The following DNAJC2 variants were observed in gnomAD, a reference collection of about 807,000 sequenced individuals.
DNAJC2 encodes the protein dnaJ homolog subfamily C member 2.
Under a neutral mutation model 94.0 loss-of-function variants are expected in DNAJC2, and 32 were observed. That is an observed-to-expected ratio of 0.34 (90% CI 0.26 to 0.46). The LOEUF (loss-of-function observed/expected upper bound fraction) is 0.46. Ranked by LOEUF, DNAJC2 falls within the 20% of genes least tolerant of loss-of-function variation. DNAJC2 has a pLI of 1.00. For missense variants in DNAJC2, 550 were observed against 719.5 expected, an observed-to-expected ratio of 0.76 and a Z score of 2.69; for synonymous variants, 210 against 229.7, an observed-to-expected ratio of 0.91 and a Z score of 0.77.
At position 103,326,689 on chromosome 7, in the gene DNAJC2, G is replaced by GA; in HGVS notation, c.431-6dup. The stretch of plus-strand genomic sequence containing the variant: ...GATCAGATAACATTTCATAAGCTGA[G>GA]AAAAAAATTGTTAAGATCACATCAC... On this transcript the variant is annotated splice_region_variant and splice_polypyrimidine_tract_variant and intron_variant, in intron 4 of 16. Coordinates refer to ENST00000379263, the MANE Select transcript of DNAJC2 (RefSeq NM_014377.3). 1 of 1,593,722 alleles carries GA rather than the reference G, an allele frequency of 6.3e-7. No individual in the cohort carries two copies. Among genetic ancestry groups the GA allele is most frequent in the Non-Finnish European group, 8.5e-7 (1 of 1,173,898 alleles).
rs528924805 is a variant in DNAJC2 at position 103,341,315 on chromosome 7, T to C, written c.255+449A>G. Among the ~76,000 whole-genome samples the C allele has an allele frequency of 2.6e-5, 4 of 152,346 alleles. No homozygotes were observed. In the South Asian group the frequency reaches 8.3e-4, roughly 32 times the overall value. ...CCCAAAAATAAATTTTAATTCCTTC[T>C]TTAGCATGGTATAAAAAGGACACAA... On this transcript the variant is annotated intron_variant, in intron 2 of 16. Coordinates refer to ENST00000379263, the MANE Select transcript of DNAJC2 (RefSeq NM_014377.3).
chr7:103,316,028 G>A lies in DNAJC2; in HGVS notation c.1488C>T (p.Ala496=). Residue 496 remains alanine, a synonymous_variant, in exon 14 of 17, where the codon GCC becomes GCT. Coordinates refer to ENST00000379263, the MANE Select transcript of DNAJC2 (RefSeq NM_014377.3). The stretch of plus-strand genomic sequence containing the variant: ...TCTTTGCTTTGCCAATAACATCTTT[G>A]GCAGTTCTTTTGACTCCAGAGGAAG... The part of the protein sequence containing the change: ...IHSSSGVKRT[A]KDVIGKAKSL... 1 of 1,602,920 alleles carries A rather than the reference G, an allele frequency of 6.2e-7. No homozygotes were observed. The highest frequency in any genetic ancestry group is 8.5e-7 in the Non-Finnish European group (1 of 1,174,936).
At chr7:103,320,907 T>C (rs1818370282) in intron 10 of DNAJC2, 1 of 159,350 alleles carries the variant, frequency 6.3e-6, no homozygotes, top group African/African-American at 2.4e-5. Flanking sequence ...AAGAAATACA[T>C]TTATGCTTGG....
chr7:103,333,489 T>G (rs971089582), intron 3 of DNAJC2, among the ~76,000 whole-genome samples: 8 of 152,262 alleles, frequency 5.3e-5, no homozygotes, highest in Non-Finnish European at 1.2e-4. Context: ...TTTAATCATA[T>G]CTGTCTGATT....
At chr7:103,330,695 C>T (rs1818931059) in intron 3 of DNAJC2, among the ~76,000 whole-genome samples, 1 of 151,484 alleles carries the variant, frequency 6.6e-6, no homozygotes, top group Admixed American at 6.6e-5. Flanking sequence ...CGTGATCTGC[C>T]CACCTCAGCC....
At chr7:103,325,236 GA>G (rs959262024) in intron 5 of DNAJC2, among the ~76,000 whole-genome samples, 16 of 152,332 alleles carry the variant, frequency 1.1e-4, no homozygotes, top group African/African-American at 3.8e-4. Flanking sequence ...CTGAGGCCAG[GA>G]GTTTGAGACC....
At chr7:103,326,220 C>G (rs1453059483) in intron 5 of DNAJC2, among the ~76,000 whole-genome samples, 1 of 152,096 alleles carries the variant, frequency 6.6e-6, no homozygotes, top group Admixed American at 6.6e-5. Flanking sequence ...TCAGGTGATC[C>G]GTCCACCTCG....
chr7:103,322,064 T>C lies in DNAJC2; in HGVS notation c.951A>G (p.Leu317=), dbSNP rs202134632. The change falls in exon 10 of 17, where the codon TTA becomes TTG. Residue 317 remains leucine, a synonymous_variant. Coordinates refer to ENST00000379263, the MANE Select transcript of DNAJC2 (RefSeq NM_014377.3). Reference sequence around the variant, plus strand: ...TCTCCTTAGCTAACCGAGCAGCTTCTAATTCAGCTTGTCTTTGCTTTAAAA... The same window carrying C: ...TCTCCTTAGCTAACCGAGCAGCTTCCAATTCAGCTTGTCTTTGCTTTAAAA... ...EAKEKQRQAE[L]EAARLAKEKE... 6.2e-7 allele frequency: 1 copy of C among 1,610,452 alleles called. No individual in the cohort carries two copies. Among genetic ancestry groups the C allele is most frequent in the African/African-American group, 1.3e-5 (1 of 74,936 alleles).
At chr7:103,334,732 A>G (rs1010339579) in intron 3 of DNAJC2, among the ~76,000 whole-genome samples, 1 of 152,052 alleles carries the variant, frequency 6.6e-6, no homozygotes, top group African/African-American at 2.4e-5. Flanking sequence ...AACAGGGATG[A>G]GCCACCATGC....
intron 16 of DNAJC2, 136 bp from the exon 17 acceptor site, chr7:103,312,779 TAGAA>T: frequency 6.6e-7 from 1 of 1,511,720 alleles, no homozygotes; most frequent in Non-Finnish European, 8.8e-7. Flanking sequence ...TGCCAGGGCC[TAGAA>T]AGTTTCTAAG....
rs923154034 is a variant in DNAJC2, at chr7:103,327,669, A to G, written c.417T>C (p.Thr139=). The G allele has an allele frequency of 4.6e-5, 74 of 1,603,878 alleles. No homozygotes were observed. The highest frequency in any genetic ancestry group is 6.3e-5 in the Non-Finnish European group (74 of 1,172,266). The change falls in exon 4 of 17, where the codon ACT becomes ACC. Residue 139 remains threonine, a synonymous_variant. Transcript: ENST00000379263. ...PIKEGDNDYF[T]CITKAYEMLS... ...GCATTTTCTTACCTTTAGTTATGCAAGTGAAGTAGTCATTATCTCCTTCTT... is the reference window on the plus strand; with the variant it reads ...GCATTTTCTTACCTTTAGTTATGCAGGTGAAGTAGTCATTATCTCCTTCTT...
intron 2 of DNAJC2, among the ~76,000 whole-genome samples, chr7:103,338,795 A>G (rs1013772856): frequency 3.3e-5 from 5 of 151,938 alleles, no homozygotes; most frequent in African/African-American, 4.8e-5. Flanking sequence ...CTGTAATCCC[A>G]GCTACTCGGG....
Position 103,313,105 on chromosome 7 carries a change from A to C in DNAJC2, c.1637-4T>G. 1 of 1,593,974 alleles carries C rather than the reference A, an allele frequency of 6.3e-7. No individual in the cohort carries two copies. The stretch of plus-strand genomic sequence containing the variant: ...GGGGTGAAGTCTGTATATGGACCTG[A>C]TTAAGAAAAATTTTTATTTGAAAAC... On this transcript the variant is annotated splice_polypyrimidine_tract_variant and splice_region_variant and intron_variant, in intron 15 of 16. Coordinates refer to ENST00000379263, the MANE Select transcript of DNAJC2 (RefSeq NM_014377.3).
In DNAJC2 at chr7:103,326,703, A is replaced by G; in HGVS notation, c.431-19T>C. 6.3e-7 allele frequency: 1 copy of G among 1,596,418 alleles called. No individual in the cohort carries two copies. Among genetic ancestry groups the G allele is most frequent in the Non-Finnish European group, 8.5e-7 (1 of 1,173,598 alleles). Reference sequence around the variant, plus strand: ...TCATAAGCTGAGAAAAAAATTGTTAAGATCACATCACCATAACTTTACCTA... The same window carrying G: ...TCATAAGCTGAGAAAAAAATTGTTAGGATCACATCACCATAACTTTACCTA... On this transcript the variant is annotated intron_variant, in intron 4 of 16. Coordinates refer to ENST00000379263, the MANE Select transcript of DNAJC2 (RefSeq NM_014377.3).
In DNAJC2 at chr7:103,312,661, T is replaced by C. The variant is rs749858124; in HGVS notation, c.1792-18A>G. ...ACAAGTTCCTAGGAAGGGAGAAAGG[T>C]GTGATTTAAGAAGTTGCGATTTAAA... On this transcript the variant is annotated intron_variant, in intron 16 of 16. Transcript: ENST00000379263. 5 of 1,607,546 alleles carry C rather than the reference T, an allele frequency of 3.1e-6. No individual in the cohort carries two copies. In the African/African-American group the frequency reaches 6.7e-5, roughly 22 times the overall value.
At chr7:103,313,526 T>TG (rs2115746534) in intron 15 of DNAJC2, 1 of 984,500 alleles carries the variant, frequency 1.0e-6, no homozygotes, top group East Asian at 1.1e-4. Context: ...GTTAAACTTT[T>TG]GCTGGATAGA....
intron 3 of DNAJC2, among the ~76,000 whole-genome samples, chr7:103,330,565 C>G (rs1818924095): frequency 6.6e-6 from 1 of 152,096 alleles, no homozygotes; most frequent in African/African-American, 2.4e-5. Flanking sequence ...AGATTTCCTG[C>G]CTCAGCCTCC....
chr7:103,323,730 G>A (rs538173033), intron 6 of DNAJC2, 67 bp from the exon 7 acceptor site: 9 of 1,183,708 alleles, frequency 7.6e-6, no homozygotes, highest in East Asian at 6.3e-5. Flanking sequence ...TTTAATGCAA[G>A]TGAATGAATT....
chr7:103,327,468 G>T, intron 4 of DNAJC2, 188 bp downstream of exon 4: 1 of 704,714 alleles, frequency 1.4e-6, no homozygotes, highest in Non-Finnish European at 2.4e-6. Flanking sequence ...GATGCTGCTG[G>T]CTGGGGACAC....
Sources: gnomAD v4.1 joint callset for allele counts (sites outside exome capture counted in the v4.1 genomes callset) on GRCh38, gnomAD v4.1.1 for gene constraint, MANE v1.5 for transcripts, NCBI Gene and HGNC (gene_info 2026-07-23, HGNC 2026-07-21) for gene names.